OVCH1: variants seen among roughly 807,000 people sequenced by gnomAD.
OVCH1 encodes ovochymase-1.
In OVCH1, 139 loss-of-function variants were observed where a neutral mutation model predicts 138.4. That is an observed-to-expected ratio of 1.00 (90% CI 0.87 to 1.16). OVCH1 has a LOEUF of 1.16. Among genes scored for constraint, OVCH1 ranks in the 50% most tolerant of loss-of-function variants. The pLI is 0.00. For synonymous variants in OVCH1, 453 were observed against 467.8 expected, an observed-to-expected ratio of 0.97 and a Z score of 0.41; for missense variants, 1,367 against 1,357.9, an observed-to-expected ratio of 1.01 and a Z score of -0.11.
At chr12:29,457,047 A>T (rs7297234) in intron 19 of OVCH1, among the ~76,000 whole-genome samples, 6,203 of 152,304 alleles carry the variant, frequency 0.041, 164 homozygotes, top group East Asian at 0.069. Flanking sequence ...TACTTTATAT[A>T]AAGAATTTAA....
chr12:29,465,055 ATAAC>A, intron 17 of OVCH1, 88 bp downstream of exon 17: 1 of 1,089,348 alleles, frequency 9.2e-7, no homozygotes, highest in Admixed American at 2.5e-5. Flanking sequence ...TAGGAGATTA[ATAAC>A]TAATTACATA....
At chr12:29,434,581 A>G (rs1195645666) in intron 26 of OVCH1, among the ~76,000 whole-genome samples, 1 of 152,138 alleles carries the variant, frequency 6.6e-6, no homozygotes, top group Non-Finnish European at 1.5e-5. Flanking sequence ...ATAGGGAAAA[A>G]ATGGACTTAC....
exon 7 of OVCH1, chr12:29,487,782 G>A (rs780325191): frequency 6.2e-7 from 1 of 1,606,386 alleles, no homozygotes; most frequent in Non-Finnish European, 8.5e-7. Context: ...GTTTCTTACG[G>A]GAACTGAACC....
At chr12:29,434,019 T>C (rs865854610) in intron 26 of OVCH1, among the ~76,000 whole-genome samples, 220 of 152,076 alleles carry the variant, frequency 1.4e-3, no homozygotes, top group Non-Finnish European at 2.6e-3. Flanking sequence ...TGGCAAATGT[T>C]TCTCTATGAT....
intron 8 of OVCH1, among the ~76,000 whole-genome samples, chr12:29,482,199 C>T (rs61918684): frequency 0.092 from 13,994 of 152,216 alleles, 658 homozygotes; most frequent in African/African-American, 0.13. Context: ...TTGCCCCTCT[C>T]CAGCCACTCA....
chr12:29,455,036 A>G, intron 20 of OVCH1, 103 bp from the exon 21 acceptor site: 1 of 1,209,498 alleles, frequency 8.3e-7, no homozygotes, highest in Non-Finnish European at 1.2e-6. Context: ...AAAGAAACAA[A>G]TCCAGGATTA....
chr12:29,404,620 T>C, the OVCH1 span, among the ~76,000 whole-genome samples: 2,012 of 152,302 alleles, frequency 0.013, 44 homozygotes, highest in African/African-American at 0.045. Flanking sequence ...CAAGCATCTA[T>C]ATAAATGGCC....
At chr12:29,474,702 G>C (rs1942643128) in intron 14 of OVCH1, among the ~76,000 whole-genome samples, 1 of 152,134 alleles carries the variant, frequency 6.6e-6, no homozygotes, top group Non-Finnish European at 1.5e-5. Context: ...AGAGTGCCAG[G>C]ATACCTATTA....
chr12:29,455,498 G>C, intron 19 of OVCH1, 93 bp from the exon 20 acceptor site: 1 of 1,328,234 alleles, frequency 7.5e-7, no homozygotes, highest in Non-Finnish European at 1.0e-6. Context: ...TAATGTATTT[G>C]TAATGTGTTT....
chr12:29,454,943 G>A lies in OVCH1; in HGVS notation c.2438-10C>T. ...TGAAGTGAAGCAGGACCTGTATTTG[G>A]GGAGAACATGTTAAAAATAAAGATG... On this transcript the variant is annotated splice_polypyrimidine_tract_variant and intron_variant, in intron 20 of 27. Coordinates refer to ENST00000318184, the Ensembl canonical transcript of OVCH1. 2 of 1,589,190 alleles carry A rather than the reference G, an allele frequency of 1.3e-6. No individual in the cohort carries two copies. The highest frequency in any genetic ancestry group is 1.7e-6 in the Non-Finnish European group (2 of 1,160,048).
At chr12:29,455,384 C>T (rs2135953855) in exon 20 of OVCH1, 1 of 1,610,228 alleles carries the variant, frequency 6.2e-7, no homozygotes, top group Non-Finnish European at 8.5e-7. Flanking sequence ...TGTCTACATA[C>T]TAGTGGCCCA....
intron 18 of OVCH1, 138 bp from the exon 19 acceptor site, chr12:29,462,146 T>C (rs898768300): frequency 2.1e-4 from 207 of 984,786 alleles, no homozygotes; most frequent in Non-Finnish European, 2.6e-4. Context: ...TGTAGAATTC[T>C]GAATTTAAAA....
intron 8 of OVCH1, among the ~76,000 whole-genome samples, chr12:29,479,711 A>G (rs1942861354): frequency 6.6e-6 from 1 of 152,064 alleles, no homozygotes; most frequent in Non-Finnish European, 1.5e-5. Flanking sequence ...ACTACCCTTT[A>G]CAAATATTAA....
intron 16 of OVCH1, among the ~76,000 whole-genome samples, chr12:29,470,486 G>A (rs1942467487): frequency 6.6e-6 from 1 of 152,084 alleles, no homozygotes; most frequent in South Asian, 2.1e-4. Flanking sequence ...TTCTGTTCCT[G>A]TGTTAGTTCG....
chr12:29,439,496 AAAC>A, intron 25 of OVCH1: 4 of 1,426,368 alleles, frequency 2.8e-6, no homozygotes, highest in East Asian at 2.6e-5. Flanking sequence ...AAAAAACAAA[AAAC>A]AAACTTCTCT....
the OVCH1 span, among the ~76,000 whole-genome samples, chr12:29,404,390 A>AC: frequency 6.6e-6 from 1 of 151,984 alleles, no homozygotes; most frequent in Non-Finnish European, 1.5e-5. Context: ...GCCGACATTA[A>AC]CCCCAACTGC....
At chr12:29,473,983 G>C (rs1229853454) in intron 14 of OVCH1, among the ~76,000 whole-genome samples, 1 of 151,698 alleles carries the variant, frequency 6.6e-6, no homozygotes, top group African/African-American at 2.4e-5. Context: ...TTTGGGACTC[G>C]GACTGGCTTT....
chr12:29,422,493 A>G (rs758923793), intron 3 of OVCH1, among the ~76,000 whole-genome samples: 1 of 152,174 alleles, frequency 6.6e-6, no homozygotes, highest in African/African-American at 2.4e-5. Context: ...AGGACCTCCT[A>G]CTAACAAATT....
rs1380907338 is a variant in OVCH1 at position 29,473,029 on chromosome 12, C to CAT, written c.1673_1674dup (p.Asp559MetfsTer35). 6.2e-7 allele frequency: 1 copy of CAT among 1,606,580 alleles called. No homozygotes were observed. The highest frequency in any genetic ancestry group is 1.7e-5 in the Admixed American group (1 of 59,620). ...TAGTAATAACATGTCACCAACTCACCATGCAGAATAGCTTTTACGGTAGAT... is the reference window on the plus strand; with the variant it reads ...TAGTAATAACATGTCACCAACTCACCATATGCAGAATAGCTTTTACGGTAGAT... On this transcript the variant is annotated frameshift_variant and splice_region_variant, in exon 15 of 28. Coordinates refer to ENST00000318184, the Ensembl canonical transcript of OVCH1. LOFTEE classifies it high-confidence loss of function.
Sources: allele counts gnomAD v4.1 joint callset (sites outside exome capture counted in the v4.1 genomes callset), GRCh38; gene constraint gnomAD v4.1.1; transcripts MANE v1.5; gene names NCBI Gene and HGNC (gene_info 2026-07-23, HGNC 2026-07-21).